Variants in HSD17B3 observed in about 807,000 individuals in gnomAD.
HSD17B3 encodes the protein hydroxysteroid 17-beta dehydrogenase 3.
HSD17B3 carries 29 observed loss-of-function variants against 41.1 expected under a neutral mutation model. The ratio of observed to expected loss-of-function variants is 0.71; its 90% confidence interval spans 0.53 to 0.96. HSD17B3 has a LOEUF of 0.96. HSD17B3 is among the 40% of genes least tolerant of loss of function. HSD17B3 has a pLI of 0.00. For synonymous variants in HSD17B3, 126 were observed against 145.6 expected, an observed-to-expected ratio of 0.87 and a Z score of 0.97; for missense variants, 323 against 374.6, an observed-to-expected ratio of 0.86 and a Z score of 1.14.
intron 5 of HSD17B3, chr9:96,250,048 T>G (rs1460808346): frequency 1.4e-6 from 2 of 1,417,366 alleles, no homozygotes; most frequent in Non-Finnish European, 1.8e-6. Context: ...CTCGGAACTA[T>G]ATTCCTGGAG....
At chr9:96,261,201 T>C (rs1191108975) in intron 2 of HSD17B3, among the ~76,000 whole-genome samples, 1 of 36,346 alleles carries the variant, frequency 2.8e-5, no homozygotes, top group African/African-American at 1.2e-4. Context: ...GCTTTGACGA[T>C]GGAGCCTTCT....
intron 8 of HSD17B3, among the ~76,000 whole-genome samples, chr9:96,244,797 G>A (rs1004794929): frequency 6.6e-6 from 1 of 151,980 alleles, no homozygotes; most frequent in Admixed American, 6.6e-5. Flanking sequence ...TGTCAAGTAC[G>A]CCTTAATAAA....
At chr9:96,237,892 G>A (rs1034570813) in intron 10 of HSD17B3, among the ~76,000 whole-genome samples, 7 of 152,206 alleles carry the variant, frequency 4.6e-5, no homozygotes, top group African/African-American at 1.7e-4. Flanking sequence ...CACTTTGGGA[G>A]GCCAAAGCGG....
chr9:96,267,482 A>T (rs1026061420), intron 2 of HSD17B3, among the ~76,000 whole-genome samples: 26 of 152,120 alleles, frequency 1.7e-4, no homozygotes, highest in Admixed American at 5.9e-4. Flanking sequence ...GAAGAAAAAA[A>T]TACCTTCGGA....
At chr9:96,240,693 C>T in intron 10 of HSD17B3, 65 bp downstream of exon 10, 2 of 1,541,966 alleles carry the variant, frequency 1.3e-6, no homozygotes, top group Non-Finnish European at 1.8e-6. Context: ...GCTAGCCCAG[C>T]CCTGCCAGGG....
At position 96,277,835 on chromosome 9, in the gene HSD17B3, G is replaced by GCACACACACACACA. The variant is rs3222260; in HGVS notation, c.201+20567_201+20580dup. 4.0e-4 allele frequency among the ~76,000 whole-genome samples: 58 copies of GCACACACACACACA among 146,032 alleles called. 1 individual carries two copies. Among genetic ancestry groups the GCACACACACACACA allele is most frequent in the African/African-American group, 1.2e-3 (49 of 39,572 alleles). ...TTAACAGATGAATAAGGAAAATGTGGCACACACACACACACACACACACAC... is the reference window on the plus strand; with the variant it reads ...TTAACAGATGAATAAGGAAAATGTGGCACACACACACACACACACACACACACACACACACACAC... On this transcript the variant is annotated intron_variant, in intron 2 of 10. Transcript: ENST00000375263.
intron 2 of HSD17B3, among the ~76,000 whole-genome samples, chr9:96,278,844 T>C (rs923946598): frequency 1.6e-4 from 25 of 152,154 alleles, no homozygotes; most frequent in African/African-American, 6.0e-4. Flanking sequence ...GCAAGCAAGC[T>C]TCAGACTGAA....
chr9:96,298,819 C>A (rs1270273524), intron 1 of HSD17B3, among the ~76,000 whole-genome samples: 1 of 152,142 alleles, frequency 6.6e-6, no homozygotes, highest in African/African-American at 2.4e-5. Flanking sequence ...TGAGCCTTCA[C>A]CCCACAAGGG....
At chr9:96,252,258 G>A (rs1825446412) in intron 4 of HSD17B3, among the ~76,000 whole-genome samples, 1 of 152,038 alleles carries the variant, frequency 6.6e-6, no homozygotes, top group Non-Finnish European at 1.5e-5. Flanking sequence ...AAATATAGTT[G>A]GTCCGGCCGG....
rs137999261 is a variant in HSD17B3 at position 96,268,214 on chromosome 9, G to A, written c.202-13271C>T. Among the ~76,000 whole-genome samples the A allele has an allele frequency of 4.1e-3, 621 of 152,104 alleles. 7 individuals carry two copies. The highest frequency in any genetic ancestry group is 0.014 in the African/African-American group (599 of 41,520). ...TGCTGGGATTACAGGCATGAGTCAC[G>A]CGCCTGGCCTCTCCACTTATTTTCT... On this transcript the variant is annotated intron_variant, in intron 2 of 10. Transcript: ENST00000375263.
chr9:96,299,310 C>A (rs749721923), intron 1 of HSD17B3, among the ~76,000 whole-genome samples: 3 of 152,170 alleles, frequency 2.0e-5, no homozygotes, highest in Non-Finnish European at 4.4e-5. Flanking sequence ...GCTGTACAAG[C>A]CTCACGGACC....
intron 6 of HSD17B3, among the ~76,000 whole-genome samples, chr9:96,249,180 G>A (rs535805632): frequency 6.6e-6 from 1 of 152,326 alleles, no homozygotes; most frequent in East Asian, 1.9e-4. Flanking sequence ...TGGGATTACA[G>A]GCATGAGCCA....
chr9:96,294,000 G>C (rs1002385800), intron 2 of HSD17B3, among the ~76,000 whole-genome samples: 38 of 152,114 alleles, frequency 2.5e-4, no homozygotes, highest in African/African-American at 7.2e-4. Flanking sequence ...AGCATCTCAG[G>C]CTCAGCTGCA....
intron 2 of HSD17B3, among the ~76,000 whole-genome samples, chr9:96,269,110 A>G (rs1326367175): frequency 6.6e-6 from 1 of 152,198 alleles, no homozygotes; most frequent in East Asian, 1.9e-4. Flanking sequence ...ACATAACTAG[A>G]CTTTGTGGTA....
chr9:96,240,723 C>T, intron 10 of HSD17B3, 35 bp downstream of exon 10: 2 of 1,613,176 alleles, frequency 1.2e-6, no homozygotes, highest in Non-Finnish European at 1.7e-6. Context: ...TGTCCTCCCT[C>T]CCTGGCTTCA....
intron 10 of HSD17B3, 152 bp downstream of exon 10, chr9:96,240,606 C>T: frequency 3.7e-6 from 3 of 815,898 alleles, no homozygotes; most frequent in East Asian, 2.6e-5. Flanking sequence ...CAGGCTCCGG[C>T]TTCTCTCCAC....
intron 2 of HSD17B3, among the ~76,000 whole-genome samples, chr9:96,260,228 C>T (rs1053161174): frequency 6.6e-6 from 1 of 152,198 alleles, no homozygotes; most frequent in African/African-American, 2.4e-5. Flanking sequence ...TTCTCTGATG[C>T]TATCCTTGTC....
chr9:96,295,243 G>A (rs922660046), intron 2 of HSD17B3, among the ~76,000 whole-genome samples: 1 of 152,070 alleles, frequency 6.6e-6, no homozygotes, highest in African/African-American at 2.4e-5. Context: ...CTGACCTCAT[G>A]ATCTGCCCAC....
chr9:96,250,339 CAG>C, intron 5 of HSD17B3: 1 of 1,078,934 alleles, frequency 9.3e-7, no homozygotes, highest in Non-Finnish European at 1.1e-6. Flanking sequence ...GTGCCAGAAA[CAG>C]AGTGTGGGAG....
Sources: allele counts gnomAD v4.1 joint callset (sites outside exome capture counted in the v4.1 genomes callset), GRCh38; gene constraint gnomAD v4.1.1; transcripts MANE v1.5; gene names NCBI Gene and HGNC (gene_info 2026-07-23, HGNC 2026-07-21).